Variants in RORA observed in about 807,000 individuals in gnomAD.
RORA encodes the protein nuclear receptor ROR-alpha.
Under a neutral mutation model 69.5 loss-of-function variants are expected in RORA, and 7 were observed. The ratio of observed to expected loss-of-function variants is 0.10; its 90% CI spans 0.06 to 0.19. The LOEUF (loss-of-function observed/expected upper bound fraction) is 0.19, where lower values mean the gene tolerates loss of function less well. Ranked by LOEUF, RORA falls within the 10% of genes least tolerant of loss-of-function variation. RORA has a pLI of 1.00. For synonymous variants in RORA, 261 were observed against 240.8 expected, an observed-to-expected ratio of 1.08 and a Z score of -0.78; for missense variants, 457 against 663.0, an observed-to-expected ratio of 0.69 and a Z score of 3.41.
intron 1 of RORA, among the ~76,000 whole-genome samples, chr15:60,897,862 A>C (rs1038591104): frequency 3.3e-5 from 5 of 152,254 alleles, no homozygotes; most frequent in African/African-American, 1.2e-4. Context: ...GAATAGGACA[A>C]AGAAAAATTG....
At chr15:60,806,589 T>A (rs1413563305) in intron 1 of RORA, among the ~76,000 whole-genome samples, 3 of 152,198 alleles carry the variant, frequency 2.0e-5, no homozygotes, top group East Asian at 1.9e-4. Context: ...GGTAGTTTCA[T>A]AAAGGACCTT....
At chr15:60,567,434 C>T (rs1268598751) in intron 2 of RORA, among the ~76,000 whole-genome samples, 1 of 149,792 alleles carries the variant, frequency 6.7e-6, no homozygotes, top group Admixed American at 6.7e-5. Flanking sequence ...TTTTCTGAGA[C>T]TGAGTCTTGG....
At chr15:60,672,915 T>C (rs112369542) in intron 2 of RORA, among the ~76,000 whole-genome samples, 74 of 152,360 alleles carry the variant, frequency 4.9e-4, no homozygotes, top group African/African-American at 1.7e-3. Flanking sequence ...TGCAAACTTA[T>C]GTCATAGACA....
At chr15:60,778,266 T>C (rs2072203390) in intron 1 of RORA, among the ~76,000 whole-genome samples, 1 of 151,910 alleles carries the variant, frequency 6.6e-6, no homozygotes, top group African/African-American at 2.4e-5. Context: ...TCTTTACGGG[T>C]CTGATGGCTC....
At chr15:61,078,804 C>CACCT (rs965351792) in intron 1 of RORA, among the ~76,000 whole-genome samples, 2 of 152,098 alleles carry the variant, frequency 1.3e-5, no homozygotes, top group African/African-American at 2.4e-5. Flanking sequence ...CCCACCCACC[C>CACCT]ACCTACCTAC....
chr15:61,133,521 T>C (rs1301949704), intron 1 of RORA, among the ~76,000 whole-genome samples: 8 of 152,180 alleles, frequency 5.3e-5, no homozygotes, highest in African/African-American at 1.9e-4. Flanking sequence ...TGAGGGCTGA[T>C]GGCTGATCAG....
At chr15:60,771,244 C>T (rs1379847905) in intron 1 of RORA, among the ~76,000 whole-genome samples, 1 of 152,156 alleles carries the variant, frequency 6.6e-6, no homozygotes, top group Non-Finnish European at 1.5e-5. Context: ...TGCCTCCTTT[C>T]CTTCTCTCGC....
intron 1 of RORA, among the ~76,000 whole-genome samples, chr15:61,192,991 C>G (rs922548848): frequency 6.6e-6 from 1 of 152,108 alleles, no homozygotes; most frequent in African/African-American, 2.4e-5. Flanking sequence ...GGCACGAAAC[C>G]TTCAACGACT....
At chr15:60,744,426 G>A (rs1353971640) in intron 1 of RORA, among the ~76,000 whole-genome samples, 2 of 152,084 alleles carry the variant, frequency 1.3e-5, no homozygotes, top group South Asian at 2.1e-4. Flanking sequence ...TAGCTGATTC[G>A]GTTATATCCA....
chr15:60,946,177 T>G (rs1023541769), intron 1 of RORA, among the ~76,000 whole-genome samples: 1 of 152,180 alleles, frequency 6.6e-6, no homozygotes, highest in African/African-American at 2.4e-5. Flanking sequence ...GAGTGTCCTA[T>G]GTCCCATGGG....
intron 1 of RORA, among the ~76,000 whole-genome samples, chr15:60,708,663 C>T (rs897589344): frequency 6.6e-6 from 1 of 152,122 alleles, no homozygotes; most frequent in Non-Finnish European, 1.5e-5. Flanking sequence ...CTAACATCTT[C>T]CCCTCCCTCC....
chr15:60,826,241 G>A (rs1006055587), intron 1 of RORA, among the ~76,000 whole-genome samples: 3 of 151,956 alleles, frequency 2.0e-5, no homozygotes, highest in African/African-American at 7.3e-5. Flanking sequence ...TCTTTTAGAA[G>A]GAAGGAAAGA....
At chr15:60,961,142 G>A (rs755230802) in intron 1 of RORA, among the ~76,000 whole-genome samples, 15 of 152,120 alleles carry the variant, frequency 9.9e-5, no homozygotes, top group African/African-American at 2.7e-4. Context: ...TCACCTGGCC[G>A]TTCCATTTGC....
At chr15:60,916,683 G>T (rs142939763) in intron 1 of RORA, among the ~76,000 whole-genome samples, 98 of 152,230 alleles carry the variant, frequency 6.4e-4, no homozygotes, top group African/African-American at 2.2e-3. Flanking sequence ...AAGGTGATAG[G>T]TGAGTATGAC....
chr15:60,590,975 T>C (rs967110063), intron 2 of RORA, among the ~76,000 whole-genome samples: 2 of 152,154 alleles, frequency 1.3e-5, no homozygotes, highest in African/African-American at 4.8e-5. Context: ...TAATAATTAA[T>C]AAAAGAGATG....
intron 1 of RORA, among the ~76,000 whole-genome samples, chr15:60,832,514 C>T (rs2073055019): frequency 6.6e-6 from 1 of 152,140 alleles, no homozygotes; most frequent in African/African-American, 2.4e-5. Context: ...TCATGGAGCA[C>T]AACTGTTACT....
intron 1 of RORA, among the ~76,000 whole-genome samples, chr15:61,027,626 T>C (rs1452768016): frequency 6.6e-6 from 1 of 152,210 alleles, no homozygotes; most frequent in Non-Finnish European, 1.5e-5. Context: ...TCTGCTCTGT[T>C]ACAACAAGTA....
intron 1 of RORA, among the ~76,000 whole-genome samples, chr15:61,033,928 T>C (rs767531676): frequency 5.3e-5 from 8 of 152,202 alleles, no homozygotes; most frequent in Non-Finnish European, 8.8e-5. Flanking sequence ...TTAACTATTA[T>C]TTTATATTGG....
chr15:60,532,248 T>G (rs2141454130), intron 2 of RORA, among the ~76,000 whole-genome samples: 1 of 152,330 alleles, frequency 6.6e-6, no homozygotes, highest in East Asian at 1.9e-4. Context: ...CATTACAGCT[T>G]GACTGCTAGA....
Sources: gnomAD v4.1 joint callset for allele counts (sites outside exome capture counted in the v4.1 genomes callset) on GRCh38, gnomAD v4.1.1 for gene constraint, MANE v1.5 for transcripts, NCBI Gene and HGNC (gene_info 2026-07-23, HGNC 2026-07-21) for gene names.